TMEM132E: variants seen among roughly 807,000 people sequenced by gnomAD.
TMEM132E encodes the protein transmembrane protein 132E.
In TMEM132E, 49 loss-of-function variants were observed where a neutral mutation model predicts 78.5. That is an observed-to-expected ratio of 0.62 (90% CI 0.50 to 0.79). The LOEUF (loss-of-function observed/expected upper bound fraction) is 0.79, where lower values mean the gene tolerates loss of function less well. TMEM132E is among the 30% of genes least tolerant of loss of function. TMEM132E has a pLI of 0.00. For synonymous variants in TMEM132E, 715 were observed against 670.6 expected (o/e 1.07, Z -1.02); for missense variants, 1,403 against 1,470.9 (o/e 0.95, Z 0.75).
chr17:34,586,115 C>G (rs1905667021), intron 1 of TMEM132E, among the ~76,000 whole-genome samples: 1 of 152,026 alleles, frequency 6.6e-6, no homozygotes, highest in African/African-American at 2.4e-5. Context: ...TCTGTCAGAG[C>G]ACACGCCTCT....
rs1027847364 is a variant in TMEM132E at position 34,580,800 on chromosome 17, C to A, written c.-277C>A. The A allele has an allele frequency of 1.0e-5, 4 of 389,910 alleles. No homozygotes were observed. The highest frequency in any genetic ancestry group is 1.4e-5 in the Non-Finnish European group (3 of 218,046). The allele number at this position is 389,910 out of a possible 1,614,324, so 24.2% of individuals were successfully genotyped here. A position where few individuals can be genotyped will look rare whatever the true frequency, so the allele number is the denominator to read the frequency against. ...CTCCGGACTGCACGTGCAGCTCCCCCCGCGCCTCGCAGATCCTGCAGGGGG... is the reference window on the plus strand; with the variant it reads ...CTCCGGACTGCACGTGCAGCTCCCCACGCGCCTCGCAGATCCTGCAGGGGG... On this transcript the variant is annotated 5_prime_UTR_variant, in exon 1 of 9. Transcript: ENST00000631683.
intron 1 of TMEM132E, among the ~76,000 whole-genome samples, chr17:34,615,220 TC>T (rs1906738014): frequency 6.6e-6 from 1 of 152,186 alleles, no homozygotes; most frequent in Non-Finnish European, 1.5e-5. Context: ...TGGCCACCTG[TC>T]CTTCTAGTAC....
In TMEM132E at chr17:34,637,163, T is replaced by C. The variant is rs1295037026; in HGVS notation, c.2170-14T>C. On this transcript the variant is annotated splice_polypyrimidine_tract_variant and intron_variant, in intron 8 of 8. Transcript: ENST00000631683. ...CTCTTTGACTCCTATCCCCTCCTTC[T>C]CCTTCTCCTCCAGGAAGCCCTACTG... 6.3e-7 allele frequency: 1 copy of C among 1,586,248 alleles called. No individual in the cohort carries two copies. Among genetic ancestry groups the C allele is most frequent in the African/African-American group, 1.3e-5 (1 of 74,364 alleles).
chr17:34,614,023 C>T (rs1906697981), intron 1 of TMEM132E, among the ~76,000 whole-genome samples: 1 of 152,184 alleles, frequency 6.6e-6, no homozygotes, highest in Non-Finnish European at 1.5e-5. Flanking sequence ...TCCCCCCTTC[C>T]CTCGTGGTCA....
In TMEM132E at chr17:34,634,916, CACG is replaced by C. The variant is rs1907465696; in HGVS notation, c.1809_1811del (p.Thr604del). 3 of 1,614,094 alleles carry C rather than the reference CACG, an allele frequency of 1.9e-6. No individual in the cohort carries two copies. The highest frequency in any genetic ancestry group is 2.5e-6 in the Non-Finnish European group (3 of 1,180,060). On this transcript the variant is annotated inframe_deletion, in exon 7 of 9. Transcript: ENST00000631683. ...CCCTGCAGGTCTTCACCCAGTTCCA[CACG>C]ACATCATCCGAGGGCACTGACCAGG...
chr17:34,585,397 A>T (rs574124761), intron 1 of TMEM132E, among the ~76,000 whole-genome samples: 1 of 152,138 alleles, frequency 6.6e-6, no homozygotes, highest in South Asian at 2.1e-4. Context: ...AGAGGCACCA[A>T]CTCCCACCAC....
At chr17:34,627,343 A>T (rs1907185512) in intron 2 of TMEM132E, among the ~76,000 whole-genome samples, 1 of 152,236 alleles carries the variant, frequency 6.6e-6, no homozygotes, top group South Asian at 2.1e-4. Flanking sequence ...TCACAAGCAT[A>T]GATTTCCAGA....
intron 1 of TMEM132E, among the ~76,000 whole-genome samples, chr17:34,616,034 G>T (rs1906769429): frequency 1.3e-5 from 2 of 152,178 alleles, no homozygotes. Context: ...ACTTGCCCAT[G>T]ATCACACAGC....
intron 1 of TMEM132E, among the ~76,000 whole-genome samples, chr17:34,587,627 G>A (rs1905723093): frequency 6.6e-6 from 1 of 152,120 alleles, no homozygotes; most frequent in Non-Finnish European, 1.5e-5. Context: ...CCTGGCTCTG[G>A]TCCAGAAGCC....
intron 5 of TMEM132E, among the ~76,000 whole-genome samples, chr17:34,631,308 A>G (rs984920709): frequency 1.3e-5 from 2 of 152,032 alleles, no homozygotes; most frequent in Non-Finnish European, 2.9e-5. Context: ...GCTCCACTGC[A>G]TCACCCCCTT....
intron 5 of TMEM132E, among the ~76,000 whole-genome samples, chr17:34,631,844 A>T (rs570512159): frequency 6.6e-6 from 1 of 152,334 alleles, no homozygotes; most frequent in South Asian, 2.1e-4. Flanking sequence ...ACCTAGATGC[A>T]TGTACACACA....
intron 1 of TMEM132E, among the ~76,000 whole-genome samples, chr17:34,603,339 G>A (rs1291741573): frequency 1.3e-5 from 2 of 152,114 alleles, no homozygotes; most frequent in Non-Finnish European, 2.9e-5. Flanking sequence ...GGAACCTGAG[G>A]GAAGGGCTGG....
intron 1 of TMEM132E, among the ~76,000 whole-genome samples, chr17:34,619,956 C>A (rs1906906653): frequency 6.6e-6 from 1 of 152,272 alleles, no homozygotes; most frequent in Non-Finnish European, 1.5e-5. Flanking sequence ...GGCACACCTG[C>A]TGTGCCTCTG....
chr17:34,599,446 C>T (rs1906163218), intron 1 of TMEM132E, among the ~76,000 whole-genome samples: 1 of 152,134 alleles, frequency 6.6e-6, no homozygotes, highest in South Asian at 2.1e-4. Context: ...GTATACCAAC[C>T]TCATTGATGA....
At chr17:34,636,252 T>G (rs988391059) in intron 8 of TMEM132E, 54 bp downstream of exon 8, 6 of 1,388,064 alleles carry the variant, frequency 4.3e-6, no homozygotes, top group Non-Finnish European at 5.6e-6. Context: ...GAAGGAGAAC[T>G]TGGGGGCTCT....
intron 1 of TMEM132E, among the ~76,000 whole-genome samples, chr17:34,582,589 C>A (rs190229837): frequency 1.1e-3 from 158 of 150,380 alleles, no homozygotes; most frequent in African/African-American, 3.7e-3. Context: ...GGCAGAGCAG[C>A]GAGCCAGCAG....
chr17:34,604,451 G>T (rs917190580), intron 1 of TMEM132E, among the ~76,000 whole-genome samples: 4 of 152,190 alleles, frequency 2.6e-5, no homozygotes, highest in Admixed American at 1.3e-4. Flanking sequence ...CATTGTCTGT[G>T]TGGAGGATGA....
chr17:34,634,073 G>A (rs1257344996), intron 6 of TMEM132E, among the ~76,000 whole-genome samples: 2 of 152,206 alleles, frequency 1.3e-5, no homozygotes, highest in Non-Finnish European at 2.9e-5. Context: ...CTGTGTGAAT[G>A]AATATTCTGG....
At chr17:34,620,710 G>A (rs979053941) in intron 1 of TMEM132E, among the ~76,000 whole-genome samples, 1 of 152,264 alleles carries the variant, frequency 6.6e-6, no homozygotes, top group Non-Finnish European at 1.5e-5. Context: ...GTCAGAGTCA[G>A]AGCTGGCCAG....
Sources: gnomAD v4.1 joint callset for allele counts (sites outside exome capture counted in the v4.1 genomes callset) on GRCh38, gnomAD v4.1.1 for gene constraint, MANE v1.5 for transcripts, NCBI Gene and HGNC (gene_info 2026-07-23, HGNC 2026-07-21) for gene names.